The following RAPGEF2 variants were observed in gnomAD, a reference collection of about 807,000 sequenced individuals.
RAPGEF2 encodes Rap guanine nucleotide exchange factor 2.
In RAPGEF2, 54 loss-of-function variants were observed where a neutral mutation model predicts 186.7. The ratio of observed to expected loss-of-function variants is 0.29; its 90% confidence interval spans 0.23 to 0.36. The LOEUF (loss-of-function observed/expected upper bound fraction) is 0.36, where lower values mean the gene tolerates loss of function less well. Among genes scored for constraint, RAPGEF2 ranks in the 10% least tolerant of loss-of-function variants. The pLI, the probability that RAPGEF2 is intolerant of heterozygous loss-of-function variation, is 1.00. For missense variants in RAPGEF2, 1,532 were observed against 2,045.0 expected, an observed-to-expected ratio of 0.75 and a Z score of 4.84; for synonymous variants, 712 against 705.9, an observed-to-expected ratio of 1.01 and a Z score of -0.14.
At chr4:159,295,671 C>G (rs1221340703) in intron 7 of RAPGEF2, among the ~76,000 whole-genome samples, 1 of 149,730 alleles carries the variant, frequency 6.7e-6, no homozygotes, top group Admixed American at 6.6e-5. Flanking sequence ...AGATATCTTT[C>G]TTAAAGTGAT....
chr4:159,139,778 C>T (rs1358370332), intron 1 of RAPGEF2, among the ~76,000 whole-genome samples: 1 of 152,118 alleles, frequency 6.6e-6, no homozygotes, highest in African/African-American at 2.4e-5. Flanking sequence ...TTTTGTCAAG[C>T]ATAAACAACT....
At chr4:159,143,592 T>G (rs2111169659) in intron 1 of RAPGEF2, among the ~76,000 whole-genome samples, 1 of 152,288 alleles carries the variant, frequency 6.6e-6, no homozygotes, top group South Asian at 2.1e-4. Flanking sequence ...ACTGAGAACT[T>G]GGGTCAAATG....
intron 4 of RAPGEF2, among the ~76,000 whole-genome samples, chr4:159,230,699 T>G (rs1244564686): frequency 6.6e-6 from 1 of 152,134 alleles, no homozygotes; most frequent in Non-Finnish European, 1.5e-5. Context: ...TGAATTGCCT[T>G]CTGAATTAGA....
chr4:159,204,297 C>T (rs182842088), intron 3 of RAPGEF2, among the ~76,000 whole-genome samples: 213 of 152,250 alleles, frequency 1.4e-3, no homozygotes, highest in Non-Finnish European at 2.6e-3. Context: ...GTTTTTGAGC[C>T]ATCTCTTAAG....
chr4:159,172,096 C>T (rs2111250593), intron 1 of RAPGEF2, among the ~76,000 whole-genome samples: 1 of 152,330 alleles, frequency 6.6e-6, no homozygotes, highest in South Asian at 2.1e-4. Flanking sequence ...TTAAGCTTAT[C>T]AAGGATCTCA....
At chr4:159,134,600 G>T (rs1741482079) in intron 1 of RAPGEF2, among the ~76,000 whole-genome samples, 1 of 152,166 alleles carries the variant, frequency 6.6e-6, no homozygotes, top group Non-Finnish European at 1.5e-5. Context: ...TGCCAGCAAT[G>T]TACAAAAGTT....
rs1766831488 is a variant in RAPGEF2, at chr4:159,332,536, C to T, written c.1974C>T (p.Ala658=). The change falls in exon 17 of 30, where the codon GCC becomes GCT. Residue 658 remains alanine (A), a synonymous_variant. Transcript: ENST00000691494. The part of the protein sequence containing the change: ...HLPKIGDIKK[A]SRYSIPDLAV... ...CTAAAATTGGTGACATTAAAAAGGC[C>T]AGTCGCTACTCCATTCCAGATCTTG... 2 of 1,614,046 alleles carry T rather than the reference C, an allele frequency of 1.2e-6. No individual in the cohort carries two copies. The highest frequency in any genetic ancestry group is 1.7e-6 in the Non-Finnish European group (2 of 1,179,998).
At chr4:159,299,387 T>A (rs1490190703) in intron 7 of RAPGEF2, among the ~76,000 whole-genome samples, 3 of 150,496 alleles carry the variant, frequency 2.0e-5, no homozygotes, top group Non-Finnish European at 4.4e-5. Context: ...AGTCCTAAGA[T>A]GATGATGATA....
intron 1 of RAPGEF2, among the ~76,000 whole-genome samples, chr4:159,165,313 C>CT (rs1279226001): frequency 1.3e-5 from 2 of 152,158 alleles, no homozygotes; most frequent in Non-Finnish European, 2.9e-5. Flanking sequence ...AAGTTTTAAT[C>CT]TTTTCTGGAG....
In RAPGEF2 at chr4:159,305,307, T is replaced by C. The variant is rs991178118; in HGVS notation, c.675+834T>C. ...AGTTTACATTCCCACCAGCTGCATATAAGTGTTCTCTTATCTCCACATCCT... is the reference window on the plus strand; with the variant it reads ...AGTTTACATTCCCACCAGCTGCATACAAGTGTTCTCTTATCTCCACATCCT... On this transcript the variant is annotated intron_variant, in intron 8 of 29. Transcript: ENST00000691494. 3.3e-5 allele frequency among the ~76,000 whole-genome samples: 5 copies of C among 152,192 alleles called. No homozygotes were observed. The East Asian group carries it at 9.6e-4, about 29-fold the overall frequency.
intron 1 of RAPGEF2, among the ~76,000 whole-genome samples, chr4:159,152,601 C>T (rs976522622): frequency 3.3e-5 from 5 of 152,042 alleles, no homozygotes; most frequent in African/African-American, 1.2e-4. Context: ...TGAGTTTCCC[C>T]TGTTAAAAAC....
At chr4:159,228,808 G>A (rs1273453687) in intron 4 of RAPGEF2, among the ~76,000 whole-genome samples, 3 of 152,118 alleles carry the variant, frequency 2.0e-5, no homozygotes, top group Admixed American at 6.5e-5. Context: ...AAACTAATGA[G>A]TCAACTTATT....
chr4:159,186,134 A>G (rs1747529968), intron 1 of RAPGEF2, among the ~76,000 whole-genome samples: 1 of 151,944 alleles, frequency 6.6e-6, no homozygotes, highest in Non-Finnish European at 1.5e-5. Context: ...CTTTTTTAAA[A>G]GAAAATATTT....
At position 159,193,263 on chromosome 4, in the gene RAPGEF2, G is replaced by A. The variant is rs1418721150; in HGVS notation, c.197+7G>A. 1.4e-6 allele frequency: 2 copies of A among 1,477,342 alleles called. No homozygotes were observed. Among genetic ancestry groups the A allele is most frequent in the Non-Finnish European group, 1.8e-6 (2 of 1,115,018 alleles). 91.5% of individuals were successfully genotyped at this position (1,477,342 alleles called of 1,614,324 possible). On this transcript the variant is annotated splice_region_variant and intron_variant, in intron 3 of 29. Transcript: ENST00000691494. ...CAAATGAAGTTTTATACTAGTAGGT[G>A]TTTCCTTTTTGTTTGTACAATGTAT... is the stretch of plus-strand genomic sequence containing the variant.
rs1580074360 is a variant in RAPGEF2, at chr4:159,354,025, A to G, written c.4630A>G (p.Ser1544Gly). Reference protein sequence around the residue: ...PMPAHIAVASSTTKGLIARKE... With the variant: ...PMPAHIAVASGTTKGLIARKE... ...GCCTGCCCACATAGCTGTGGCATCA[A>G]GTACTACAAAGGGGCTCATTGGTAA... The change falls in exon 28 of 30, where the codon AGT becomes GGT. Residue 1544 changes from serine to glycine, a missense_variant. By Grantham distance (56) the Ser-to-Gly change is moderately conservative. Coordinates refer to ENST00000691494, the MANE Select transcript of RAPGEF2 (RefSeq NM_001394067.2). The G allele has an allele frequency of 6.3e-7, 1 of 1,597,542 alleles. No individual in the cohort carries two copies. Among genetic ancestry groups the G allele is most frequent in the South Asian group, 1.1e-5 (1 of 88,154 alleles).
chr4:159,343,569 G>A (rs927252409), intron 22 of RAPGEF2, among the ~76,000 whole-genome samples, 165 bp downstream of exon 22: 1 of 152,194 alleles, frequency 6.6e-6, no homozygotes, highest in East Asian at 1.9e-4. Context: ...TGGAATAAAT[G>A]TCTTATTCTG....
At chr4:159,342,931 C>T (rs779252315) in intron 20 of RAPGEF2, 48 bp from the exon 21 acceptor site, 2 of 1,482,042 alleles carry the variant, frequency 1.3e-6, no homozygotes, top group Non-Finnish European at 1.9e-6. Context: ...ATAATCTGTA[C>T]ACTATTTTAC....
intron 7 of RAPGEF2, among the ~76,000 whole-genome samples, chr4:159,301,559 A>T (rs141230811): frequency 1.3e-4 from 20 of 152,282 alleles, no homozygotes; most frequent in African/African-American, 4.8e-4. Context: ...GAACACAGAT[A>T]GTGCGGAGAA....
At chr4:159,276,846 C>CAA (rs142123813) in intron 7 of RAPGEF2, among the ~76,000 whole-genome samples, 30 of 147,412 alleles carry the variant, frequency 2.0e-4, no homozygotes, top group Admixed American at 4.0e-4. Context: ...GAAGTTTTTT[C>CAA]AAAAAAAAAA....
Sources: gnomAD v4.1 joint callset for allele counts (sites outside exome capture counted in the v4.1 genomes callset) on GRCh38, gnomAD v4.1.1 for gene constraint, MANE v1.5 for transcripts, NCBI Gene and HGNC (gene_info 2026-07-23, HGNC 2026-07-21) for gene names.